Variants in PLCB1 observed in about 807,000 individuals in gnomAD.
PLCB1 encodes the protein 1-phosphatidylinositol 4,5-bisphosphate phosphodiesterase beta-1.
PLCB1 carries 46 observed loss-of-function variants against 161.8 expected under a neutral mutation model. That is an observed-to-expected ratio of 0.28 (90% CI 0.22 to 0.36). PLCB1 has a LOEUF of 0.36. PLCB1 is among the 10% of genes least tolerant of loss of function. PLCB1 has a pLI of 1.00. For synonymous variants in PLCB1, 517 were observed against 503.7 expected, an observed-to-expected ratio of 1.03 and a Z score of -0.35; for missense variants, 1,016 against 1,472.5, an observed-to-expected ratio of 0.69 and a Z score of 5.07.
chr20:8,518,598 T>A (rs1201607699), intron 3 of PLCB1, among the ~76,000 whole-genome samples: 1 of 152,178 alleles, frequency 6.6e-6, no homozygotes, highest in African/African-American at 2.4e-5. Context: ...CTGTACTTAT[T>A]GGGCATCTAC....
chr20:8,294,350 T>C (rs1014528251), intron 2 of PLCB1, among the ~76,000 whole-genome samples: 1 of 152,012 alleles, frequency 6.6e-6, no homozygotes, highest in African/African-American at 2.4e-5. Context: ...ATATTGTATA[T>C]ACCCAATAAA....
intron 2 of PLCB1, among the ~76,000 whole-genome samples, chr20:8,366,561 C>T (rs1986717434): frequency 1.3e-5 from 2 of 152,226 alleles, no homozygotes; most frequent in Admixed American, 1.3e-4. Context: ...TGGTGAAACC[C>T]CATGTCAATA....
intron 3 of PLCB1, among the ~76,000 whole-genome samples, chr20:8,530,234 A>G (rs977927593): frequency 6.6e-6 from 1 of 152,028 alleles, no homozygotes; most frequent in Non-Finnish European, 1.5e-5. Flanking sequence ...AGCATCTCTC[A>G]TATGCTTTGG....
At chr20:8,238,955 C>T (rs903000510) in intron 2 of PLCB1, among the ~76,000 whole-genome samples, 18 of 151,260 alleles carry the variant, frequency 1.2e-4, no homozygotes, top group African/African-American at 3.6e-4. Flanking sequence ...CATCATTGGT[C>T]GAAAGACTTT....
At chr20:8,304,595 A>G (rs1320303170) in intron 2 of PLCB1, among the ~76,000 whole-genome samples, 1 of 151,624 alleles carries the variant, frequency 6.6e-6, no homozygotes, top group East Asian at 1.9e-4. Flanking sequence ...TCTTCTGTGG[A>G]CAAACATCTC....
At chr20:8,327,606 G>A (rs906121837) in intron 2 of PLCB1, among the ~76,000 whole-genome samples, 1 of 152,138 alleles carries the variant, frequency 6.6e-6, no homozygotes, top group Non-Finnish European at 1.5e-5. Context: ...TACCATAGAA[G>A]GCTTGTTAGC....
intron 31 of PLCB1, among the ~76,000 whole-genome samples, chr20:8,842,525 A>G (rs1212490417): frequency 1.3e-5 from 2 of 152,330 alleles, no homozygotes; most frequent in East Asian, 3.9e-4. Context: ...ATAGTGTAGC[A>G]GGACGAGCCG....
chr20:8,295,750 C>T (rs533069370), intron 2 of PLCB1, among the ~76,000 whole-genome samples: 3 of 152,122 alleles, frequency 2.0e-5, no homozygotes, highest in South Asian at 4.1e-4. Context: ...GTCTCTGTCA[C>T]CCAGGCTGAA....
chr20:8,360,514 A>G (rs918151805), intron 2 of PLCB1, among the ~76,000 whole-genome samples: 2 of 152,206 alleles, frequency 1.3e-5, no homozygotes, highest in Non-Finnish European at 2.9e-5. Flanking sequence ...AGATTGATCA[A>G]CAGTCGAATG....
At chr20:8,196,669 A>G (rs751676485) in intron 2 of PLCB1, among the ~76,000 whole-genome samples, 26 of 142,634 alleles carry the variant, frequency 1.8e-4, no homozygotes, top group Non-Finnish European at 3.6e-4. Context: ...TATATAAAAT[A>G]TATATATTTT....
intron 9 of PLCB1, among the ~76,000 whole-genome samples, chr20:8,660,918 TC>T (rs1335814258): frequency 1.8e-4 from 28 of 152,182 alleles, no homozygotes; most frequent in Admixed American, 1.8e-3. Flanking sequence ...CTCACTAGTT[TC>T]ATAGCCTTAT....
intron 31 of PLCB1, among the ~76,000 whole-genome samples, chr20:8,867,918 A>G (rs1412517310): frequency 1.3e-5 from 2 of 152,320 alleles, no homozygotes; most frequent in East Asian, 3.9e-4. Flanking sequence ...AGGTCCTAGG[A>G]ACAGTGCCTG....
At chr20:8,394,435 C>T (rs897292904) in intron 3 of PLCB1, among the ~76,000 whole-genome samples, 5 of 152,060 alleles carry the variant, frequency 3.3e-5, no homozygotes, top group South Asian at 2.1e-4. Flanking sequence ...TTCTCTGGTT[C>T]ATGGGAGTTG....
rs113457297 is a variant in PLCB1, at chr20:8,417,359, G to A, written c.246+45909G>A. 4.3e-3 allele frequency among the ~76,000 whole-genome samples: 646 copies of A among 150,572 alleles called. 3 individuals carry two copies. Among genetic ancestry groups the A allele is most frequent in the African/African-American group, 0.015 (606 of 41,008 alleles). ...GTATACACACACATATATAACATAC[G>A]CACCCACATTTATAACACACACATA... On this transcript the variant is annotated intron_variant, in intron 3 of 31. Coordinates refer to ENST00000338037, the MANE Select transcript of PLCB1 (RefSeq NM_015192.4).
At chr20:8,216,929 G>A (rs1032664147) in intron 2 of PLCB1, among the ~76,000 whole-genome samples, 1 of 152,042 alleles carries the variant, frequency 6.6e-6, no homozygotes, top group Non-Finnish European at 1.5e-5. Context: ...CACAACTAGT[G>A]GCAGATACCT....
intron 3 of PLCB1, among the ~76,000 whole-genome samples, chr20:8,584,938 C>A: frequency 6.6e-6 from 1 of 152,208 alleles, no homozygotes; most frequent in East Asian, 1.9e-4. Context: ...ATCCCCCTGC[C>A]TCAGCCTCCA....
intron 2 of PLCB1, among the ~76,000 whole-genome samples, chr20:8,338,597 A>G (rs181117427): frequency 9.1e-4 from 138 of 152,282 alleles, no homozygotes; most frequent in African/African-American, 3.2e-3. Flanking sequence ...AGAACAAGAA[A>G]AGTTTTTTGT....
intron 4 of PLCB1, among the ~76,000 whole-genome samples, chr20:8,642,876 A>C (rs1989001089): frequency 6.6e-6 from 1 of 152,244 alleles, no homozygotes; most frequent in South Asian, 2.1e-4. Context: ...CAATGCAGAA[A>C]GTTGGCATGG....
intron 27 of PLCB1, among the ~76,000 whole-genome samples, chr20:8,776,741 A>G (rs1223826340): frequency 6.6e-6 from 1 of 152,234 alleles, no homozygotes; most frequent in African/African-American, 2.4e-5. Context: ...AGTAGTAAAT[A>G]AAAATAACAA....
Sources: allele counts gnomAD v4.1 joint callset (sites outside exome capture counted in the v4.1 genomes callset), GRCh38; gene constraint gnomAD v4.1.1; transcripts MANE v1.5; gene names NCBI Gene and HGNC (gene_info 2026-07-23, HGNC 2026-07-21).